Variants in TERB2 observed in about 807,000 individuals in gnomAD.
TERB2 encodes the protein telomere repeats-binding bouquet formation protein 2.
In TERB2, 26 loss-of-function variants were observed where a neutral mutation model predicts 29.8. The ratio of observed to expected loss-of-function variants is 0.87; its 90% CI spans 0.64 to 1.21. The LOEUF (loss-of-function observed/expected upper bound fraction) is 1.21. Ranked by LOEUF, TERB2 falls within the 50% of genes most tolerant of loss-of-function variation. The probability of loss-of-function intolerance (pLI) is 0.00; values close to 1 mark genes in which losing one functional copy is unlikely to be tolerated. For synonymous variants in TERB2, 80 were observed against 90.8 expected (o/e 0.88, Z 0.68); for missense variants, 240 against 268.6 (o/e 0.89, Z 0.74).
intron 5 of TERB2, 56 bp downstream of exon 5, chr15:44,966,299 C>CACAA: frequency 3.6e-6 from 4 of 1,098,150 alleles, no homozygotes; most frequent in Non-Finnish European, 5.0e-6. Flanking sequence ...TCTGTGAGCA[C>CACAA]TGATTGTGTG....
intron 4 of TERB2, 32 bp downstream of exon 4, chr15:44,961,616 C>T (rs370778007): frequency 6.9e-7 from 1 of 1,442,662 alleles, no homozygotes; most frequent in Non-Finnish European, 9.5e-7. Context: ...TGATTAGCAT[C>T]TACAGCTTCA....
At chr15:44,957,176 T>C (rs1401316949) in intron 2 of TERB2, among the ~76,000 whole-genome samples, 199 bp downstream of exon 2, 1 of 149,528 alleles carries the variant, frequency 6.7e-6, no homozygotes, top group East Asian at 2.0e-4. Flanking sequence ...ATCGCACCAC[T>C]GCACTCCAGC....
At chr15:44,969,392 G>A (rs1299113696) in intron 5 of TERB2, among the ~76,000 whole-genome samples, 2 of 152,050 alleles carry the variant, frequency 1.3e-5, no homozygotes, top group Non-Finnish European at 2.9e-5. Context: ...ATAGGTGTGC[G>A]CCAACTCGCC....
In TERB2 at chr15:44,966,441, C is replaced by T. The variant is rs144596851; in HGVS notation, c.434+198C>T. Among the ~76,000 whole-genome samples the T allele has an allele frequency of 2.3e-3, 343 of 151,954 alleles. 2 individuals are homozygous for T. The highest frequency in any genetic ancestry group is 3.6e-3 in the Non-Finnish European group (243 of 67,950). ...AAAGTCATACAAACTTTATTAAGTA[C>T]GGGAGAAGCAGGATTTGCACTGAGT... On this transcript the variant is annotated intron_variant, in intron 5 of 6. Transcript: ENST00000340827.
intron 5 of TERB2, among the ~76,000 whole-genome samples, chr15:44,971,928 A>T (rs1891977000): frequency 6.9e-6 from 1 of 143,998 alleles, no homozygotes; most frequent in African/African-American, 2.6e-5. Flanking sequence ...TATTTGTAGG[A>T]CCTCATCCTG....
At chr15:44,968,289 C>A (rs111981953) in intron 5 of TERB2, among the ~76,000 whole-genome samples, 1 of 152,036 alleles carries the variant, frequency 6.6e-6, no homozygotes. Context: ...GATCTCGGCT[C>A]ACTGCAACCT....
chr15:44,958,018 C>T (rs1183889974), intron 2 of TERB2, among the ~76,000 whole-genome samples: 1 of 152,190 alleles, frequency 6.6e-6, no homozygotes, highest in Non-Finnish European at 1.5e-5. Context: ...ACTGCATGCA[C>T]ACTCCTCACC....
In TERB2 at chr15:44,979,165, A is replaced by T. The variant is rs532202466; in HGVS notation, c.*537A>T. On this transcript the variant is annotated 3_prime_UTR_variant, in exon 7 of 7. Coordinates refer to ENST00000340827, the MANE Select transcript of TERB2 (RefSeq NM_152448.3). ...TTTGAAACATGGAGAAAAACATTTT[A>T]ATAATTCATATTTCATGTTGGATGG... is the stretch of plus-strand genomic sequence containing the variant. 10 of 152,342 alleles carry T rather than the reference A, an allele frequency of 6.6e-5. No homozygotes were observed. In the East Asian group the frequency reaches 1.9e-3, roughly 29 times the overall value. The allele number at this position is 152,342 out of a possible 1,614,324, so 9.4% of individuals were successfully genotyped here. A position where few individuals can be genotyped will look rare whatever the true frequency, so the allele number is the denominator to read the frequency against.
At chr15:44,974,080 G>A (rs922460899) in intron 6 of TERB2, 125 bp downstream of exon 6, 1 of 1,005,810 alleles carries the variant, frequency 9.9e-7, no homozygotes, top group Non-Finnish European at 1.3e-6. Flanking sequence ...CCTGGTAATG[G>A]AGGACACATC....
intron 5 of TERB2, among the ~76,000 whole-genome samples, chr15:44,969,653 G>T (rs1272039267): frequency 6.6e-6 from 1 of 150,532 alleles, no homozygotes; most frequent in Admixed American, 6.6e-5. Flanking sequence ...AATTAACTGG[G>T]TGTAGTGGTG....
intron 4 of TERB2, among the ~76,000 whole-genome samples, chr15:44,965,587 T>G (rs1255474387): frequency 1.4e-5 from 2 of 144,646 alleles, no homozygotes; most frequent in South Asian, 4.2e-4. Context: ...AATCTATATA[T>G]CATATAGATT....
intron 5 of TERB2, among the ~76,000 whole-genome samples, chr15:44,968,582 AC>A (rs1244206586): frequency 2.4e-5 from 3 of 124,482 alleles, no homozygotes; most frequent in African/African-American, 6.1e-5. Context: ...ATTTTGTTTA[AC>A]CTTTTTTTTT....
rs374879879 is a variant in TERB2, at chr15:44,978,639, T to C, written c.*11T>C. Reference sequence around the variant, plus strand: ...TTGAAGAGGAAATAGTAAATTAAATTGTAAATACCTTGGCATTTATTTTCT... The same window carrying C: ...TTGAAGAGGAAATAGTAAATTAAATCGTAAATACCTTGGCATTTATTTTCT... On this transcript the variant is annotated 3_prime_UTR_variant, in exon 7 of 7. Coordinates refer to ENST00000340827, the MANE Select transcript of TERB2 (RefSeq NM_152448.3). 7.0e-5 allele frequency: 110 copies of C among 1,574,196 alleles called. No homozygotes were observed. The highest frequency in any genetic ancestry group is 9.5e-6 in the Non-Finnish European group (11 of 1,161,700).
intron 4 of TERB2, among the ~76,000 whole-genome samples, chr15:44,964,192 A>T (rs558921311): frequency 7.9e-5 from 12 of 151,724 alleles, no homozygotes; most frequent in African/African-American, 2.4e-4. Flanking sequence ...TTTTTATTTT[A>T]TTTTTTTTAA....
intron 4 of TERB2, among the ~76,000 whole-genome samples, chr15:44,962,347 A>ATTTTT (rs34169916): frequency 3.1e-4 from 43 of 137,082 alleles, no homozygotes; most frequent in African/African-American, 1.1e-3. Context: ...AAGCCCAGCT[A>ATTTTT]TTTTTTTTTT....
intron 4 of TERB2, among the ~76,000 whole-genome samples, chr15:44,964,347 T>C (rs73419355): frequency 6.6e-6 from 1 of 152,206 alleles, no homozygotes; most frequent in Non-Finnish European, 1.5e-5. Context: ...TTCTTTCAGT[T>C]TTTTTTTCTA....
intron 5 of TERB2, among the ~76,000 whole-genome samples, chr15:44,969,570 C>T (rs1891938255): frequency 6.6e-6 from 1 of 151,392 alleles, no homozygotes; most frequent in South Asian, 2.1e-4. Flanking sequence ...ATGAGGATAG[C>T]TTGAGGCCAG....
intron 5 of TERB2, among the ~76,000 whole-genome samples, chr15:44,967,487 T>C (rs1891908369): frequency 1.3e-5 from 2 of 152,218 alleles, no homozygotes; most frequent in African/African-American, 4.8e-5. Context: ...ATAAGGGGTG[T>C]TCTACCTAGG....
Position 44,961,487 on chromosome 15 carries a change from A to C in TERB2, c.287-36A>C, listed in dbSNP as rs770089902. On this transcript the variant is annotated intron_variant, in intron 3 of 6. Transcript: ENST00000340827. ...ATTCAGAAGATTCTTAAAAAAAAAA[A>C]CCAAAACAGTATTGGATTTGTTTTT... is the stretch of plus-strand genomic sequence containing the variant. The C allele has an allele frequency of 4.7e-6, 7 of 1,492,942 alleles. No individual in the cohort carries two copies. In the East Asian group the frequency reaches 9.3e-5, roughly 20 times the overall value. The allele number at this position is 1,492,942 out of a possible 1,614,324, so 92.5% of individuals were successfully genotyped here.
Sources: allele counts gnomAD v4.1 joint callset (sites outside exome capture counted in the v4.1 genomes callset), GRCh38; gene constraint gnomAD v4.1.1; transcripts MANE v1.5; gene names NCBI Gene and HGNC (gene_info 2026-07-23, HGNC 2026-07-21).